DNAH12: variants seen among roughly 807,000 people sequenced by gnomAD.
DNAH12 encodes the protein dynein axonemal heavy chain 12.
In DNAH12, 285 loss-of-function variants were observed where a neutral mutation model predicts 371.5. The ratio of observed to expected loss-of-function variants is 0.77; its 90% confidence interval spans 0.70 to 0.85. The LOEUF (loss-of-function observed/expected upper bound fraction) is 0.85. Ranked by LOEUF, DNAH12 falls within the 40% of genes least tolerant of loss-of-function variation. DNAH12 has a pLI of 0.00. For missense variants in DNAH12, 3,611 were observed against 3,689.4 expected (o/e 0.98, Z 0.55); for synonymous variants, 1,200 against 1,213.0 (o/e 0.99, Z 0.22).
rs1553679808 is a variant in DNAH12 at position 57,403,446 on chromosome 3, T to A, written c.6811A>T (p.Asn2271Tyr). 6.4e-7 allele frequency: 1 copy of A among 1,551,514 alleles called. No individual in the cohort carries two copies. The change falls in exon 43 of 74, where the codon AAT becomes TAT. Residue 2271 changes from asparagine (N) to tyrosine (Y), a missense_variant. Asn to Tyr is a moderately radical substitution (Grantham distance 143). Around this residue, in one of 3 missense-constraint regions of DNAH12, gnomAD observed 2,266 missense variants for 2,236.9 expected, o/e 1.01. Coordinates refer to ENST00000495027, the MANE Select transcript of DNAH12 (RefSeq NM_001366028.2). Reference protein sequence around the residue: ...ICRVLKQSGGNALLVGLGGSG... With the variant: ...ICRVLKQSGGYALLVGLGGSG... ...CCTCCAAGACCAACAAGCAAAGCATTTCCACCAGATTGCTTTAGAACTCGA... is the reference window on the plus strand; with the variant it reads ...CCTCCAAGACCAACAAGCAAAGCATATCCACCAGATTGCTTTAGAACTCGA...
chr3:57,425,916 GTAA>G (rs1232687690), intron 34 of DNAH12, among the ~76,000 whole-genome samples: 1 of 152,184 alleles, frequency 6.6e-6, no homozygotes, highest in Non-Finnish European at 1.5e-5. Context: ...ATAATATGAT[GTAA>G]TAATGATATG....
rs925250172 is a variant in DNAH12, at chr3:57,353,014, G to A, written c.9534-789C>T. On this transcript the variant is annotated intron_variant, in intron 59 of 73. Transcript: ENST00000495027. ...TGAGGCAGGAGAATTGCTTGAACCC[G>A]GGAGGTGGAGGTTGCAGTGTGAGAT... 3.9e-3 allele frequency among the ~76,000 whole-genome samples: 600 copies of A among 152,132 alleles called. 3 individuals carry two copies. The highest frequency in any genetic ancestry group is 0.013 in the African/African-American group (552 of 41,506).
Position 57,322,499 on chromosome 3 carries a change from T to C in DNAH12, c.10384-16A>G, listed in dbSNP as rs1368556217. 4 of 1,549,604 alleles carry C rather than the reference T, an allele frequency of 2.6e-6. No homozygotes were observed. The highest frequency in any genetic ancestry group is 2.4e-5 in the East Asian group (1 of 40,876). On this transcript the variant is annotated splice_polypyrimidine_tract_variant and intron_variant, in intron 64 of 73. Transcript: ENST00000495027. ...TTACTGGGAACTAAGACAAAATAAA[T>C]GGAGAGCATTATACAAGATAGCAAG...
At chr3:57,296,547 G>C (rs2107641391) in intron 71 of DNAH12, 112 bp from the exon 72 acceptor site, 1 of 850,266 alleles carries the variant, frequency 1.2e-6, no homozygotes, top group Non-Finnish European at 1.8e-6. Flanking sequence ...TTGTATAATA[G>C]CTTGTTAAAC....
intron 34 of DNAH12, among the ~76,000 whole-genome samples, chr3:57,426,777 A>C (rs1049185935): frequency 6.6e-6 from 1 of 150,712 alleles, no homozygotes; most frequent in Non-Finnish European, 1.5e-5. Flanking sequence ...TGAACCTGAA[A>C]GGTGGAGTGC....
intron 4 of DNAH12, among the ~76,000 whole-genome samples, chr3:57,519,259 T>G (rs980610667): frequency 6.6e-6 from 1 of 152,248 alleles, no homozygotes; most frequent in African/African-American, 2.4e-5. Context: ...CTGCACTTTA[T>G]TTGTTACCAT....
At chr3:57,510,692 GT>G in intron 5 of DNAH12, 97 bp downstream of exon 5, 1 of 1,005,268 alleles carries the variant, frequency 9.9e-7, no homozygotes. Flanking sequence ...TAAATACATA[GT>G]GTTCATTACT....
At chr3:57,527,157 G>A (rs947401011) in intron 2 of DNAH12, among the ~76,000 whole-genome samples, 5 of 152,046 alleles carry the variant, frequency 3.3e-5, no homozygotes, top group African/African-American at 1.2e-4. Flanking sequence ...CAGATTATTA[G>A]TTTTTCTTTT....
At chr3:57,408,582 T>G (rs4681729) in intron 39 of DNAH12, 47 bp from the exon 40 acceptor site, 699,093 of 1,436,060 alleles carry the variant, frequency 0.49, 174,369 homozygotes, top group African/African-American at 0.77. Flanking sequence ...TATAAAGACA[T>G]TAAGATGGGA....
Position 57,491,362 on chromosome 3 carries a change from G to A in DNAH12, c.1336-1675C>T, listed in dbSNP as rs186468290. Among the ~76,000 whole-genome samples the A allele has an allele frequency of 3.8e-3, 583 of 152,152 alleles. 7 individuals carry two copies. Among genetic ancestry groups the A allele is most frequent in the African/African-American group, 0.013 (560 of 41,502 alleles). On this transcript the variant is annotated intron_variant, in intron 11 of 73. Coordinates refer to ENST00000495027, the MANE Select transcript of DNAH12 (RefSeq NM_001366028.2). ...TTATAATTGGGGAGAGGCACGTGGT[G>A]GCTTCTGGGTTTTGCAAAGTTCTCT...
At chr3:57,365,252 T>C (rs902622880) in intron 57 of DNAH12, among the ~76,000 whole-genome samples, 15 of 152,180 alleles carry the variant, frequency 9.9e-5, no homozygotes, top group Non-Finnish European at 2.2e-4. Flanking sequence ...ATGTGGTACA[T>C]ATACACCATG....
chr3:57,505,008 C>T (rs1381973182), intron 8 of DNAH12, among the ~76,000 whole-genome samples: 1 of 152,202 alleles, frequency 6.6e-6, no homozygotes, highest in Non-Finnish European at 1.5e-5. Context: ...CCACCTCAGC[C>T]TCCTGAGTAG....
intron 60 of DNAH12, among the ~76,000 whole-genome samples, chr3:57,347,208 T>A (rs1249716042): frequency 1.3e-5 from 2 of 151,686 alleles, no homozygotes; most frequent in Non-Finnish European, 2.9e-5. Context: ...GATGCAAAAA[T>A]CCTCAACAAA....
At chr3:57,362,229 G>A (rs1250275812) in intron 58 of DNAH12, among the ~76,000 whole-genome samples, 2 of 152,092 alleles carry the variant, frequency 1.3e-5, no homozygotes, top group Non-Finnish European at 2.9e-5. Flanking sequence ...GTATTCCATG[G>A]TCTATATGTG....
intron 69 of DNAH12, among the ~76,000 whole-genome samples, chr3:57,303,414 CTT>C (rs769186872): frequency 1.9e-4 from 23 of 123,586 alleles, no homozygotes; most frequent in Non-Finnish European, 2.8e-4. Flanking sequence ...TTTTCTTTTT[CTT>C]TTTTTTTTTT....
intron 42 of DNAH12, among the ~76,000 whole-genome samples, chr3:57,404,645 G>A (rs914859590): frequency 4.6e-5 from 7 of 152,102 alleles, no homozygotes; most frequent in African/African-American, 4.8e-5. Flanking sequence ...GCTTGAACCC[G>A]GGAGGTGGAG....
intron 34 of DNAH12, among the ~76,000 whole-genome samples, chr3:57,427,138 ATGTGTGTG>A (rs71088070): frequency 7.9e-5 from 11 of 138,784 alleles, no homozygotes; most frequent in East Asian, 2.1e-4. Flanking sequence ...TAAGAAGCGA[ATGTGTGTG>A]TGTGTGTGTG....
rs923867286 is a variant in DNAH12, at chr3:57,391,913, A to T, written c.7264T>A (p.Phe2422Ile). The change falls in exon 45 of 74, where the codon TTC (phenylalanine) becomes ATC (isoleucine). Residue 2422 changes from phenylalanine (F) to isoleucine (I), a missense_variant. Physicochemically the swap from Phe to Ile is conservative, Grantham distance 21 (BLOSUM62 0). This residue lies in a region of DNAH12 where 2,266 missense variants were observed against 2,236.9 expected (regional missense o/e 1.01). Transcript: ENST00000495027. ...GTACAGCAATTGATGAGGGATGGGA[A>T]CTGTCTCAAGCGATTTCGAAAGGCA... ...GDAFRNRLRQFPSLINCCTID... is the reference protein window; with the variant it reads ...GDAFRNRLRQIPSLINCCTID... 4 of 153,058 alleles carry T rather than the reference A, an allele frequency of 2.6e-5. No individual in the cohort carries two copies. The highest frequency in any genetic ancestry group is 9.6e-5 in the African/African-American group (4 of 41,494). The allele number at this position is 153,058 out of a possible 1,614,324, so 9.5% of individuals were successfully genotyped here. A position where few individuals can be genotyped will look rare whatever the true frequency, so the allele number is the denominator to read the frequency against.
At chr3:57,339,083 C>T (rs1304572424) in intron 60 of DNAH12, among the ~76,000 whole-genome samples, 2 of 152,134 alleles carry the variant, frequency 1.3e-5, no homozygotes, top group Non-Finnish European at 2.9e-5. Flanking sequence ...TTACCCCCAA[C>T]CCCGTGCTCT....
Sources: gnomAD v4.1 joint callset for allele counts (sites outside exome capture counted in the v4.1 genomes callset) on GRCh38, gnomAD v4.1.1 for gene constraint, gnomAD v4.1.1 regional missense constraint, MANE v1.5 for transcripts, NCBI Gene and HGNC (gene_info 2026-07-23, HGNC 2026-07-21) for gene names.